XPOT: variants seen among roughly 807,000 people sequenced by gnomAD.
XPOT encodes the protein exportin-T.
XPOT carries 34 observed loss-of-function variants against 128.2 expected under a neutral mutation model. The observed-to-expected ratio is 0.27, with a 90% confidence interval of 0.20 to 0.35. XPOT has a LOEUF of 0.35. Ranked by LOEUF, XPOT falls within the 10% of genes least tolerant of loss-of-function variation. The probability of loss-of-function intolerance (pLI) is 1.00; values close to 1 mark genes in which losing one functional copy is unlikely to be tolerated. For missense variants in XPOT, 838 were observed against 1,125.3 expected, an observed-to-expected ratio of 0.74 and a Z score of 3.65; for synonymous variants, 348 against 394.3, an observed-to-expected ratio of 0.88 and a Z score of 1.39.
At chr12:64,445,905 T>C (rs2040363669) in intron 24 of XPOT, among the ~76,000 whole-genome samples, 1 of 152,236 alleles carries the variant, frequency 6.6e-6, no homozygotes. Context: ...AGCAAAGACA[T>C]TCAGTAGAAT....
chr12:64,435,589 ATTGAATATATAGAAATTC>A lies in XPOT; in HGVS notation c.2686-35_2686-18del, dbSNP rs2040275873. On this transcript the variant is annotated intron_variant, in intron 21 of 24. Transcript: ENST00000332707. Reference sequence around the variant, plus strand: ...AGAAGAGCTGGATCACTAAACAAGAATTGAATATATAGAAATTCTTAAACTTGTTTTTCACAGGCTTTA... The same window carrying A: ...AGAAGAGCTGGATCACTAAACAAGAATTAAACTTGTTTTTCACAGGCTTTA... 3 of 1,564,122 alleles carry A rather than the reference ATTGAATATATAGAAATTC, an allele frequency of 1.9e-6. No individual in the cohort carries two copies. The East Asian group carries it at 7.0e-5, about 36-fold the overall frequency.
At chr12:64,414,683 C>G (rs1212317233) in intron 2 of XPOT, among the ~76,000 whole-genome samples, 2 of 152,166 alleles carry the variant, frequency 1.3e-5, no homozygotes, top group Admixed American at 1.3e-4. Context: ...TGTAAGAAAA[C>G]AGGTTTGATT....
At chr12:64,439,409 T>C in intron 23 of XPOT, 94 bp downstream of exon 23, 1 of 1,139,750 alleles carries the variant, frequency 8.8e-7, no homozygotes, top group South Asian at 1.3e-5. Flanking sequence ...AAAAATATTT[T>C]CATATTACAT....
rs945850810 is a variant in XPOT, at chr12:64,450,584, C to T, written c.*2453C>T. The stretch of plus-strand genomic sequence containing the variant: ...TTGAGTGTGTAATAAAAATTAAACT[C>T]TTCATGTTATATAATCATGCATAAC... On this transcript the variant is annotated 3_prime_UTR_variant, in exon 25 of 25. Coordinates refer to ENST00000332707, the MANE Select transcript of XPOT (RefSeq NM_007235.6). The T allele has an allele frequency of 1.3e-5, 2 of 152,166 alleles. No individual in the cohort carries two copies. Among genetic ancestry groups the T allele is most frequent in the African/African-American group, 4.8e-5 (2 of 41,422 alleles). 9.4% of individuals were successfully genotyped at this position (152,166 alleles called of 1,614,324 possible).
intron 21 of XPOT, among the ~76,000 whole-genome samples, chr12:64,435,121 T>C (rs1307103199): frequency 6.6e-6 from 1 of 152,214 alleles, no homozygotes; most frequent in Non-Finnish European, 1.5e-5. Flanking sequence ...TTACAAATTC[T>C]ACTCCTTCGA....
intron 24 of XPOT, among the ~76,000 whole-genome samples, chr12:64,446,185 C>T (rs533927051): frequency 6.6e-6 from 1 of 152,320 alleles, no homozygotes; most frequent in African/African-American, 2.4e-5. Context: ...ACTCAGTCCT[C>T]ACTATCTGTT....
At chr12:64,439,789 A>G (rs2040310555) in intron 23 of XPOT, among the ~76,000 whole-genome samples, 1 of 152,220 alleles carries the variant, frequency 6.6e-6, no homozygotes, top group East Asian at 1.9e-4. Context: ...AAGTTACCTT[A>G]TACTTTTAAG....
Position 64,414,914 on chromosome 12 carries a change from C to A in XPOT, c.68C>A (p.Ala23Asp), listed in dbSNP as rs760464151. The part of the protein sequence containing the change: ...ADSDFRQRAL[A>D]YFEQLKISPD... ...TGTTTTGCAATCTTATAGGCCCTGG[C>A]CTATTTTGAGCAGTTAAAAATTTCC... Residue 23 changes from alanine (A) to aspartate (D), a missense_variant, in exon 3 of 25, where the codon GCC becomes GAC. Ala to Asp is a moderately radical substitution (Grantham distance 126). Coordinates refer to ENST00000332707, the MANE Select transcript of XPOT (RefSeq NM_007235.6). 2 of 1,611,300 alleles carry A rather than the reference C, an allele frequency of 1.2e-6. No individual in the cohort carries two copies. Among genetic ancestry groups the A allele is most frequent in the Non-Finnish European group, 1.7e-6 (2 of 1,177,772 alleles).
At chr12:64,416,393 AT>A (rs2040087674) in intron 3 of XPOT, among the ~76,000 whole-genome samples, 1 of 152,246 alleles carries the variant, frequency 6.6e-6, no homozygotes, top group Admixed American at 6.5e-5. Flanking sequence ...AGGAATCTTA[AT>A]ATCTGGAATT....
rs369454853 is a variant in XPOT, at chr12:64,428,127, A to G, written c.1737+7A>G. On this transcript the variant is annotated splice_region_variant and intron_variant, in intron 16 of 24. Transcript: ENST00000332707. ...ATTAGAGCTTTCTCCACCTGTAAGTATCTGTCTCTTTAAGATATTTTACCC... is the reference window on the plus strand; with the variant it reads ...ATTAGAGCTTTCTCCACCTGTAAGTGTCTGTCTCTTTAAGATATTTTACCC... 6.6e-7 allele frequency: 1 copy of G among 1,523,020 alleles called. No individual in the cohort carries two copies. Among genetic ancestry groups the G allele is most frequent in the Non-Finnish European group, 9.1e-7 (1 of 1,100,844 alleles). The allele number at this position is 1,523,020 out of a possible 1,614,324, so 94.3% of individuals were successfully genotyped here.
At chr12:64,427,655 C>T (rs759772715) in intron 15 of XPOT, among the ~76,000 whole-genome samples, 16 of 151,900 alleles carry the variant, frequency 1.1e-4, no homozygotes, top group East Asian at 1.9e-4. Context: ...TGACGATGGC[C>T]GGCTAATTTT....
intron 23 of XPOT, among the ~76,000 whole-genome samples, chr12:64,439,914 T>C (rs769381506): frequency 2.0e-5 from 3 of 152,260 alleles, no homozygotes; most frequent in Non-Finnish European, 2.9e-5. Context: ...CAATCTCTTA[T>C]GTAGATTCCA....
At chr12:64,437,244 C>T (rs2040290508) in intron 22 of XPOT, among the ~76,000 whole-genome samples, 1 of 152,092 alleles carries the variant, frequency 6.6e-6, no homozygotes, top group South Asian at 2.1e-4. Flanking sequence ...AGGCATCCCC[C>T]GATACTCGAG....
rs1592345129 is a variant in XPOT, at chr12:64,449,148, T to C, written c.*1017T>C. On this transcript the variant is annotated 3_prime_UTR_variant, in exon 25 of 25. Coordinates refer to ENST00000332707, the MANE Select transcript of XPOT (RefSeq NM_007235.6). Reference sequence around the variant, plus strand: ...AGGCAGAGGTTGCAGTGAGCTGAGATTGTGCCACTGCACGCCAGCCTGGGC... The same window carrying C: ...AGGCAGAGGTTGCAGTGAGCTGAGACTGTGCCACTGCACGCCAGCCTGGGC... The C allele has an allele frequency of 6.6e-6, 1 of 151,586 alleles. No individual in the cohort carries two copies. The highest frequency in any genetic ancestry group is 2.1e-4 in the South Asian group (1 of 4,806). The allele number at this position is 151,586 out of a possible 1,614,324, so 9.4% of individuals were successfully genotyped here. A position where few individuals can be genotyped will look rare whatever the true frequency, so the allele number is the denominator to read the frequency against.
At chr12:64,422,345 G>A (rs904769527) in intron 9 of XPOT, among the ~76,000 whole-genome samples, 11 of 152,108 alleles carry the variant, frequency 7.2e-5, no homozygotes, top group African/African-American at 2.4e-4. Flanking sequence ...GTATCTTTAT[G>A]TATACTTCAA....
At chr12:64,446,055 T>G (rs1339873713) in intron 24 of XPOT, among the ~76,000 whole-genome samples, 1 of 152,180 alleles carries the variant, frequency 6.6e-6, no homozygotes, top group Non-Finnish European at 1.5e-5. Flanking sequence ...GGAAGAATAT[T>G]GAGGGCTTGT....
intron 15 of XPOT, among the ~76,000 whole-genome samples, chr12:64,426,920 T>G (rs1189786112): frequency 6.6e-6 from 1 of 151,732 alleles, no homozygotes; most frequent in East Asian, 2.0e-4. Flanking sequence ...GAAGCAGAAT[T>G]TGCAGTGAGC....
chr12:64,436,358 A>G (rs1010162797), intron 22 of XPOT, among the ~76,000 whole-genome samples: 1 of 151,950 alleles, frequency 6.6e-6, no homozygotes. Context: ...TGGAGTCTCA[A>G]CTGATCCTCC....
chr12:64,449,270 A>G lies in XPOT; in HGVS notation c.*1139A>G, dbSNP rs936827731. 3.3e-5 allele frequency: 5 copies of G among 152,102 alleles called. No individual in the cohort carries two copies. Among genetic ancestry groups the G allele is most frequent in the African/African-American group, 1.2e-4 (5 of 41,432 alleles). 9.4% of individuals were successfully genotyped at this position (152,102 alleles called of 1,614,324 possible). On this transcript the variant is annotated 3_prime_UTR_variant, in exon 25 of 25. Coordinates refer to ENST00000332707, the MANE Select transcript of XPOT (RefSeq NM_007235.6). ...ATTGGATGTATTTAGAACACAGTAT[A>G]CCTATAGTATACCTATGTGTTTATT...
Sources: gnomAD v4.1 joint callset for allele counts (sites outside exome capture counted in the v4.1 genomes callset) on GRCh38, gnomAD v4.1.1 for gene constraint, MANE v1.5 for transcripts, NCBI Gene and HGNC (gene_info 2026-07-23, HGNC 2026-07-21) for gene names.